CLSTN2: variants seen among roughly 807,000 people sequenced by gnomAD.
CLSTN2 encodes the protein calsyntenin-2.
Under a neutral mutation model 101.2 loss-of-function variants are expected in CLSTN2, and 48 were observed. The ratio of observed to expected loss-of-function variants is 0.47; its 90% CI spans 0.38 to 0.60. The LOEUF (loss-of-function observed/expected upper bound fraction) is 0.60. Among genes scored for constraint, CLSTN2 ranks in the 20% least tolerant of loss-of-function variants. The pLI is 0.00. For missense variants in CLSTN2, 1,160 were observed against 1,238.2 expected (o/e 0.94, Z 0.95); for synonymous variants, 481 against 463.6 (o/e 1.04, Z -0.48).
chr3:140,161,875 G>T (rs2010052636), intron 1 of CLSTN2, among the ~76,000 whole-genome samples: 1 of 152,120 alleles, frequency 6.6e-6, no homozygotes, highest in Non-Finnish European at 1.5e-5. Context: ...GGTTATACCT[G>T]TTACTATATA....
chr3:140,543,729 G>C (rs538236172), intron 9 of CLSTN2, among the ~76,000 whole-genome samples: 2 of 152,358 alleles, frequency 1.3e-5, no homozygotes, highest in South Asian at 4.1e-4. Flanking sequence ...GTCCAGGAAA[G>C]AGAGCAAGAA....
At chr3:140,488,829 A>C (rs1425673214) in intron 8 of CLSTN2, among the ~76,000 whole-genome samples, 1 of 151,820 alleles carries the variant, frequency 6.6e-6, no homozygotes, top group Admixed American at 6.6e-5. Context: ...GAAACAGCTG[A>C]TTCTGAGTTG....
At chr3:140,153,980 C>T (rs930587278) in intron 1 of CLSTN2, among the ~76,000 whole-genome samples, 35 of 152,152 alleles carry the variant, frequency 2.3e-4, no homozygotes, top group East Asian at 1.9e-4. Context: ...CTGCCATTTC[C>T]GGGCACTGTC....
At chr3:140,423,938 G>A (rs1387983344) in intron 5 of CLSTN2, among the ~76,000 whole-genome samples, 1 of 152,206 alleles carries the variant, frequency 6.6e-6, no homozygotes, top group Non-Finnish European at 1.5e-5. Flanking sequence ...ACTTGCATCA[G>A]GAATAAAGGC....
intron 2 of CLSTN2, among the ~76,000 whole-genome samples, chr3:140,299,660 C>A (rs1488949884): frequency 6.6e-5 from 10 of 152,128 alleles, no homozygotes. Flanking sequence ...ACTTACATCC[C>A]ACTTTGCTCT....
chr3:140,231,369 A>T (rs1303625476), intron 2 of CLSTN2, among the ~76,000 whole-genome samples: 2 of 152,150 alleles, frequency 1.3e-5, no homozygotes, highest in Admixed American at 6.6e-5. Flanking sequence ...ATCCCATCAC[A>T]AAAAGAGATT....
chr3:140,086,703 C>G (rs889971863), intron 1 of CLSTN2, among the ~76,000 whole-genome samples: 1 of 152,172 alleles, frequency 6.6e-6, no homozygotes, highest in Non-Finnish European at 1.5e-5. Flanking sequence ...TTCTACAGTT[C>G]CCCTGGATAT....
chr3:140,418,557 G>A (rs1449875625), intron 4 of CLSTN2, among the ~76,000 whole-genome samples: 1 of 140,146 alleles, frequency 7.1e-6, no homozygotes, highest in Non-Finnish European at 1.5e-5. Flanking sequence ...TCACTCTGTG[G>A]CCCAGGCTGG....
At chr3:140,475,228 A>G (rs889679321) in intron 8 of CLSTN2, among the ~76,000 whole-genome samples, 5 of 152,210 alleles carry the variant, frequency 3.3e-5, no homozygotes, top group Non-Finnish European at 7.3e-5. Context: ...AAGAGACCAC[A>G]GTGAAGTGAA....
chr3:140,062,422 G>T (rs2008223025), intron 1 of CLSTN2, among the ~76,000 whole-genome samples: 1 of 152,300 alleles, frequency 6.6e-6, no homozygotes, highest in Admixed American at 6.5e-5. Flanking sequence ...ATACACGTGT[G>T]TGATGTGGGT....
At chr3:140,537,426 C>T (rs1475550675) in intron 9 of CLSTN2, among the ~76,000 whole-genome samples, 5 of 152,118 alleles carry the variant, frequency 3.3e-5, no homozygotes, top group Admixed American at 1.3e-4. Context: ...GAAATGTTAC[C>T]GGAAAGGCCT....
chr3:140,219,939 C>T (rs1288445416), intron 2 of CLSTN2, among the ~76,000 whole-genome samples: 1 of 152,078 alleles, frequency 6.6e-6, no homozygotes, highest in Admixed American at 6.5e-5. Flanking sequence ...TTCCTCATTC[C>T]ATATCACTTC....
chr3:140,565,926 G>GT, intron 16 of CLSTN2, 127 bp from the exon 17 acceptor site: 1 of 1,179,286 alleles, frequency 8.5e-7, no homozygotes, highest in Non-Finnish European at 1.2e-6. Context: ...AGGCTGAAGA[G>GT]TTTTGCACTA....
chr3:140,318,775 G>A (rs1277582555), intron 2 of CLSTN2, among the ~76,000 whole-genome samples: 4 of 152,172 alleles, frequency 2.6e-5, no homozygotes, highest in Non-Finnish European at 5.9e-5. Context: ...CATACTTTTA[G>A]TGCCTACTTT....
At chr3:140,362,595 A>G (rs1452575493) in intron 2 of CLSTN2, among the ~76,000 whole-genome samples, 3 of 152,206 alleles carry the variant, frequency 2.0e-5, no homozygotes, top group African/African-American at 7.2e-5. Context: ...AGAATATATA[A>G]ATAACTCTTA....
intron 1 of CLSTN2, among the ~76,000 whole-genome samples, chr3:139,962,714 G>A (rs1935532735): frequency 6.6e-6 from 1 of 152,130 alleles, no homozygotes; most frequent in African/African-American, 2.4e-5. Flanking sequence ...TTCATCTGTT[G>A]TTGCATTAAT....
intron 1 of CLSTN2, among the ~76,000 whole-genome samples, chr3:139,938,949 T>A (rs567167140): frequency 1.5e-3 from 232 of 151,852 alleles, no homozygotes; most frequent in African/African-American, 4.6e-3. Context: ...CTTTTTTTTT[T>A]AATTTTTATT....
Position 140,459,523 on chromosome 3 carries a change from G to A in CLSTN2, c.976G>A (p.Ala326Thr). ...SEKSLQKLCG[A>T]SSGIIDLLPS... ...CTTTCTTTCCTGACCCTCTGCAGGA[G>A]CCTCCTCTGGCATCATTGACCTCTT... Residue 326 changes from alanine (A) to threonine (T), a missense_variant and splice_region_variant, in exon 7 of 17, where the codon GCC becomes ACC. Physicochemically the swap from Ala to Thr is moderately conservative, Grantham distance 58. Coordinates refer to ENST00000458420, the MANE Select transcript of CLSTN2 (RefSeq NM_022131.3). 6.2e-7 allele frequency: 1 copy of A among 1,613,756 alleles called. No homozygotes were observed. The highest frequency in any genetic ancestry group is 8.5e-7 in the Non-Finnish European group (1 of 1,179,720).
intron 5 of CLSTN2, among the ~76,000 whole-genome samples, chr3:140,428,888 G>A (rs934616249): frequency 5.3e-5 from 8 of 152,130 alleles, no homozygotes; most frequent in Admixed American, 1.3e-4. Context: ...TTGGAGAAGC[G>A]CTTCTCAAAC....
Sources: gnomAD v4.1 joint callset for allele counts (sites outside exome capture counted in the v4.1 genomes callset) on GRCh38, gnomAD v4.1.1 for gene constraint, MANE v1.5 for transcripts, NCBI Gene and HGNC (gene_info 2026-07-23, HGNC 2026-07-21) for gene names.